The following ZGRF1 variants were observed in gnomAD, a reference collection of about 807,000 sequenced individuals.
ZGRF1 encodes zinc finger GRF-type containing 1.
In ZGRF1, 196 loss-of-function variants were observed where a neutral mutation model predicts 203.5. That is an observed-to-expected ratio of 0.96 (90% CI 0.86 to 1.08). The LOEUF is 1.08. Among genes scored for constraint, ZGRF1 ranks in the 50% least tolerant of loss-of-function variants. The probability of loss-of-function intolerance (pLI) is 0.00; values close to 1 mark genes in which losing one functional copy is unlikely to be tolerated. For missense variants in ZGRF1, 2,326 were observed against 2,416.3 expected (o/e 0.96, Z 0.78); for synonymous variants, 809 against 841.3 (o/e 0.96, Z 0.66).
At chr4:112,603,923 A>G (rs925484342) in intron 9 of ZGRF1, among the ~76,000 whole-genome samples, 1 of 152,182 alleles carries the variant, frequency 6.6e-6, no homozygotes, top group Non-Finnish European at 1.5e-5. Context: ...TAAGTTCAAC[A>G]TTAAAAAGTA....
Position 112,569,214 on chromosome 4 carries a change from T to A in ZGRF1, c.4439-5940A>T, listed in dbSNP as rs191472726. 3.3e-5 allele frequency among the ~76,000 whole-genome samples: 5 copies of A among 152,306 alleles called. No individual in the cohort carries two copies. The East Asian group carries it at 9.6e-4, about 29-fold the overall frequency. ...CAAAGAAAGATAGAAAATAGATCTA[T>A]ACTAACCAAGTGTTTCAAGATTTAG... On this transcript the variant is annotated intron_variant, in intron 16 of 27. Coordinates refer to ENST00000505019, the MANE Select transcript of ZGRF1 (RefSeq NM_018392.5).
chr4:112,574,417 T>G (rs952440246), intron 16 of ZGRF1, among the ~76,000 whole-genome samples: 1 of 152,176 alleles, frequency 6.6e-6, no homozygotes, highest in Non-Finnish European at 1.5e-5. Flanking sequence ...AAATTTTATA[T>G]AGCTCTTTAG....
chr4:112,602,723 A>G (rs536992487), intron 10 of ZGRF1, among the ~76,000 whole-genome samples: 1 of 152,386 alleles, frequency 6.6e-6, no homozygotes, highest in South Asian at 2.1e-4. Context: ...AATAAATTAT[A>G]GCCACAGGCA....
intron 15 of ZGRF1, among the ~76,000 whole-genome samples, chr4:112,582,234 T>C (rs1197978855): frequency 1.3e-5 from 2 of 152,016 alleles, no homozygotes; most frequent in African/African-American, 4.8e-5. Flanking sequence ...TCTCTTCTAG[T>C]TATTCTGATA....
At chr4:112,575,249 C>T (rs957668154) in intron 16 of ZGRF1, among the ~76,000 whole-genome samples, 11 of 152,214 alleles carry the variant, frequency 7.2e-5, no homozygotes, top group South Asian at 2.1e-4. Flanking sequence ...AAATGTTTCT[C>T]GTATCCCTTT....
At chr4:112,546,352 C>T (rs545149906) in intron 24 of ZGRF1, among the ~76,000 whole-genome samples, 2 of 152,224 alleles carry the variant, frequency 1.3e-5, no homozygotes, top group East Asian at 1.9e-4. Context: ...ACACAAGAAA[C>T]TGTGAATGTA....
intron 9 of ZGRF1, among the ~76,000 whole-genome samples, chr4:112,605,333 G>T (rs528273724): frequency 6.6e-6 from 1 of 152,150 alleles, no homozygotes; most frequent in African/African-American, 2.4e-5. Context: ...GCTAGTTTTT[G>T]TATTTTTAGT....
chr4:112,555,800 G>C (rs1001877267), intron 20 of ZGRF1, among the ~76,000 whole-genome samples: 6 of 152,250 alleles, frequency 3.9e-5, no homozygotes, highest in South Asian at 2.1e-4. Flanking sequence ...AAGCAATTGA[G>C]GCACAGATCC....
At chr4:112,585,245 G>A (rs957379379) in intron 14 of ZGRF1, among the ~76,000 whole-genome samples, 4 of 151,910 alleles carry the variant, frequency 2.6e-5, no homozygotes, top group South Asian at 2.1e-4. Context: ...ACTCCATCCT[G>A]GGCAACAGTG....
intron 22 of ZGRF1, among the ~76,000 whole-genome samples, chr4:112,552,900 T>G (rs76975421): frequency 6.6e-6 from 1 of 152,202 alleles, no homozygotes; most frequent in East Asian, 1.9e-4. Flanking sequence ...TGTGTTTCTG[T>G]GATCTGTCCT....
chr4:112,614,912 T>C (rs115065663), intron 6 of ZGRF1, among the ~76,000 whole-genome samples: 2,180 of 152,200 alleles, frequency 0.014, 29 homozygotes, highest in Non-Finnish European at 0.02. Flanking sequence ...GGAAAGTGCA[T>C]ATGTTAGGTA....
Position 112,578,186 on chromosome 4 carries a change from T to TA in ZGRF1, c.4438+3476dup, listed in dbSNP as rs1745565344. On this transcript the variant is annotated intron_variant, in intron 16 of 27. Transcript: ENST00000505019. ...TGCTCCTGAATGACTACTGGGTACA[T>TA]AATCAAAGCAGAAATAAAGATGCTC... is the stretch of plus-strand genomic sequence containing the variant. 1.6e-5 allele frequency among the ~76,000 whole-genome samples: 2 copies of TA among 121,662 alleles called. 1 individual carries two copies. Among genetic ancestry groups the TA allele is most frequent in the East Asian group, 4.8e-4 (2 of 4,146 alleles). 79.8% of individuals were successfully genotyped at this position (121,662 alleles called of 152,430 possible).
At chr4:112,612,658 T>TTGTTTTGGTTTTAGG in intron 6 of ZGRF1, 70 bp from the exon 7 acceptor site, 1 of 964,186 alleles carries the variant, frequency 1.0e-6, no homozygotes, top group Non-Finnish European at 1.6e-6. Context: ...AACTTATTCC[T>TTGTTTTGGTTTTAGG]AAAACCAAAA....
At chr4:112,617,400 C>A in intron 6 of ZGRF1, 40 bp downstream of exon 6, 2 of 1,408,926 alleles carry the variant, frequency 1.4e-6, no homozygotes, top group South Asian at 2.9e-5. Flanking sequence ...GCTCAAAGAC[C>A]TATAAAGAAA....
At chr4:112,619,770 G>A (rs2047004849) in intron 5 of ZGRF1, 80 bp from the exon 6 acceptor site, 3 of 1,176,484 alleles carry the variant, frequency 2.5e-6, no homozygotes, top group Non-Finnish European at 2.4e-6. Context: ...AAAAAAAAAG[G>A]AGAAGGATTG....
In ZGRF1 at chr4:112,618,090, G is replaced by C. The variant is rs764663314; in HGVS notation, c.1952C>G (p.Thr651Ser). The C allele has an allele frequency of 9.9e-6, 16 of 1,613,836 alleles. No homozygotes were observed. Among genetic ancestry groups the C allele is most frequent in the Non-Finnish European group, 6.8e-6 (8 of 1,179,888 alleles). ...TTTATTATCTCCGTATACAGCATCA[G>C]TCCACTTGAAAGATTCAAAATTGCT... ...TLSNFESFKW[T>S]DAVYGDNKED... Residue 651 changes from threonine to serine, a missense_variant, in exon 6 of 28, where the codon ACT (threonine) becomes AGT (serine). Transcript: ENST00000505019.
At chr4:112,564,438 A>C (rs143239849) in intron 16 of ZGRF1, among the ~76,000 whole-genome samples, 1 of 152,338 alleles carries the variant, frequency 6.6e-6, no homozygotes, top group East Asian at 1.9e-4. Context: ...GACAAAATCT[A>C]TCAAATTGGA....
At chr4:112,567,227 C>T (rs1347173823) in intron 16 of ZGRF1, among the ~76,000 whole-genome samples, 1 of 152,112 alleles carries the variant, frequency 6.6e-6, no homozygotes, top group Non-Finnish European at 1.5e-5. Flanking sequence ...TCCCTGAGCT[C>T]CTTGGAGCTG....
chr4:112,541,111 T>C lies in ZGRF1; in HGVS notation c.5756A>G (p.Asn1919Ser). The change falls in exon 25 of 28, where the codon AAT (asparagine) becomes AGT (serine). Residue 1919 changes from asparagine to serine, a missense_variant. Physicochemically the swap from Asn to Ser is conservative, Grantham distance 46 (BLOSUM62 1). Transcript: ENST00000505019. ...ATTTACCTGTTCTAGTCCTTTAACATTATAAAAACACAGGGTTGGTAGCCA... is the reference window on the plus strand; with the variant it reads ...ATTTACCTGTTCTAGTCCTTTAACACTATAAAAACACAGGGTTGGTAGCCA... ...LEWLPTLCFYNVKGLEQIERD... is the reference protein window; with the variant it reads ...LEWLPTLCFYSVKGLEQIERD... 4 of 1,596,902 alleles carry C rather than the reference T, an allele frequency of 2.5e-6. No homozygotes were observed. The highest frequency in any genetic ancestry group is 3.4e-6 in the Non-Finnish European group (4 of 1,170,786).
Sources: allele counts gnomAD v4.1 joint callset (sites outside exome capture counted in the v4.1 genomes callset), GRCh38; gene constraint gnomAD v4.1.1; transcripts MANE v1.5; gene names NCBI Gene and HGNC (gene_info 2026-07-23, HGNC 2026-07-21).